The following CNOT2 variants were observed in gnomAD, a reference collection of about 807,000 sequenced individuals.
CNOT2 encodes the protein CC chemokine receptor 4-negative regulator of transcription 2.
In CNOT2, 7 loss-of-function variants were observed where a neutral mutation model predicts 72.1. The observed-to-expected ratio is 0.10, with a 90% CI of 0.06 to 0.18. The LOEUF (loss-of-function observed/expected upper bound fraction) is 0.18, where lower values mean the gene tolerates loss of function less well. Among genes scored for constraint, CNOT2 ranks in the 10% least tolerant of loss-of-function variants. CNOT2 has a pLI of 1.00. For missense variants in CNOT2, 345 were observed against 660.3 expected, an observed-to-expected ratio of 0.52 and a Z score of 5.23; for synonymous variants, 196 against 225.6, an observed-to-expected ratio of 0.87 and a Z score of 1.17.
At chr12:70,293,539 T>A (rs935770382) in intron 2 of CNOT2, among the ~76,000 whole-genome samples, 16 of 152,350 alleles carry the variant, frequency 1.1e-4, no homozygotes, top group Admixed American at 7.2e-4. Context: ...ATTATCTTGT[T>A]TGGTTAAAGT....
intron 13 of CNOT2, chr12:70,343,852 G>C (rs1038909250): frequency 3.4e-6 from 1 of 293,206 alleles, no homozygotes; most frequent in Admixed American, 4.9e-5. Context: ...TCCTTTTAGT[G>C]GATCTTGCTT....
chr12:70,343,358 CTT>C (rs1296308091), intron 13 of CNOT2, among the ~76,000 whole-genome samples: 1 of 152,122 alleles, frequency 6.6e-6, no homozygotes, highest in East Asian at 1.9e-4. Flanking sequence ...TTTTGGGACA[CTT>C]TTAAGGTTTA....
chr12:70,278,598 C>T (rs555929764), intron 2 of CNOT2: 32 of 263,046 alleles, frequency 1.2e-4, no homozygotes, highest in East Asian at 6.7e-4. Flanking sequence ...ATTGCTTTTA[C>T]GTATATTATT....
intron 1 of CNOT2, among the ~76,000 whole-genome samples, chr12:70,247,842 C>G (rs1957955072): frequency 6.6e-6 from 1 of 152,158 alleles, no homozygotes. Context: ...GTTTCACAAT[C>G]CACAGATCTG....
At chr12:70,281,324 C>CT (rs769936968) in intron 2 of CNOT2, among the ~76,000 whole-genome samples, 7 of 152,232 alleles carry the variant, frequency 4.6e-5, no homozygotes, top group Middle Eastern at 3.4e-3. Flanking sequence ...ACCTCGTGAT[C>CT]TGCCCGCCTT....
rs935650774 is a variant in CNOT2 at position 70,346,847 on chromosome 12, T to G, written c.1536+523T>G. 3.9e-5 allele frequency among the ~76,000 whole-genome samples: 6 copies of G among 152,314 alleles called. No individual in the cohort carries two copies. The East Asian group carries it at 7.7e-4, about 20-fold the overall frequency. ...AAATCGGCTATGGAGAAATGTTGAT[T>G]ATTTTATTTTGGTTTTGCAACTTTT... On this transcript the variant is annotated intron_variant, in intron 15 of 15. Coordinates refer to ENST00000229195, the MANE Select transcript of CNOT2 (RefSeq NM_014515.7).
At chr12:70,288,320 T>C (rs1418860290) in intron 2 of CNOT2, among the ~76,000 whole-genome samples, 1 of 151,972 alleles carries the variant, frequency 6.6e-6, no homozygotes, top group Admixed American at 6.6e-5. Context: ...ATTTTTTTTG[T>C]ATTTTTAGTA....
chr12:70,287,312 A>G (rs1871080968), intron 2 of CNOT2, among the ~76,000 whole-genome samples: 1 of 149,536 alleles, frequency 6.7e-6, no homozygotes, highest in Non-Finnish European at 1.5e-5. Flanking sequence ...CAGTTTTACT[A>G]GGGGTCAAAT....
intron 1 of CNOT2, among the ~76,000 whole-genome samples, chr12:70,259,840 A>G (rs1005691528): frequency 3.3e-5 from 5 of 152,200 alleles, no homozygotes; most frequent in African/African-American, 1.2e-4. Flanking sequence ...GTATGTTGCT[A>G]GACTTAAATT....
chr12:70,278,541 G>T (rs992229723), intron 2 of CNOT2: 2 of 387,006 alleles, frequency 5.2e-6, no homozygotes, highest in Admixed American at 8.6e-5. Context: ...TGATATACAA[G>T]TTATGACTTC....
intron 1 of CNOT2, among the ~76,000 whole-genome samples, chr12:70,254,516 T>TG (rs1236548581): frequency 1.3e-5 from 2 of 152,206 alleles, no homozygotes; most frequent in African/African-American, 4.8e-5. Context: ...TGTAATATTT[T>TG]TGTACTGCGG....
At chr12:70,276,455 A>G (rs1565756624) in intron 1 of CNOT2, among the ~76,000 whole-genome samples, 1 of 151,994 alleles carries the variant, frequency 6.6e-6, no homozygotes, top group African/African-American at 2.4e-5. Context: ...GTATGTATTA[A>G]TGGTAAGGCA....
At chr12:70,274,776 A>G (rs979218593) in intron 1 of CNOT2, among the ~76,000 whole-genome samples, 1 of 152,048 alleles carries the variant, frequency 6.6e-6, no homozygotes, top group Non-Finnish European at 1.5e-5. Flanking sequence ...GAATTGTTCA[A>G]CGTGTGGCCT....
intron 6 of CNOT2, among the ~76,000 whole-genome samples, chr12:70,332,135 G>A (rs1461786912): frequency 1.3e-5 from 2 of 151,698 alleles, no homozygotes; most frequent in Non-Finnish European, 3.0e-5. Flanking sequence ...TAAGAATGAT[G>A]TATTTTTGAG....
At chr12:70,316,796 C>T (rs768481519) in intron 3 of CNOT2, among the ~76,000 whole-genome samples, 6 of 152,090 alleles carry the variant, frequency 3.9e-5, no homozygotes, top group Non-Finnish European at 7.4e-5. Flanking sequence ...TGCTCTGCTT[C>T]CCCTCCCTAC....
chr12:70,246,857 T>G (rs931457789), intron 1 of CNOT2, among the ~76,000 whole-genome samples: 1 of 152,198 alleles, frequency 6.6e-6, no homozygotes, highest in Admixed American at 6.5e-5. Flanking sequence ...TTGTACTGTG[T>G]TTTCTGAGAG....
chr12:70,307,234 C>T (rs543735685), intron 2 of CNOT2, among the ~76,000 whole-genome samples: 6 of 152,170 alleles, frequency 3.9e-5, no homozygotes, highest in African/African-American at 9.6e-5. Flanking sequence ...CTTAGCTTAC[C>T]GTAACTTTTT....
intron 11 of CNOT2, among the ~76,000 whole-genome samples, chr12:70,339,262 A>G (rs999861739): frequency 3.8e-4 from 58 of 152,002 alleles, no homozygotes; most frequent in African/African-American, 1.3e-3. Context: ...CTGAGCTCGC[A>G]TGCTTTCCGA....
chr12:70,306,486 G>C (rs1875414437), intron 2 of CNOT2, among the ~76,000 whole-genome samples: 1 of 152,112 alleles, frequency 6.6e-6, no homozygotes. Context: ...ATGCTGCTTA[G>C]TTCTTATGAA....
Sources: gnomAD v4.1 joint callset for allele counts (sites outside exome capture counted in the v4.1 genomes callset) on GRCh38, gnomAD v4.1.1 for gene constraint, MANE v1.5 for transcripts, NCBI Gene and HGNC (gene_info 2026-07-23, HGNC 2026-07-21) for gene names.